Variants in CTNNA3 observed in about 807,000 individuals in gnomAD.
CTNNA3 encodes the protein catenin alpha-3.
In CTNNA3, 76 loss-of-function variants were observed where a neutral mutation model predicts 95.7. The ratio of observed to expected loss-of-function variants is 0.79; its 90% CI spans 0.66 to 0.96. The LOEUF is 0.96. CTNNA3 is among the 40% of genes least tolerant of loss of function. CTNNA3 has a pLI of 0.00. For missense variants in CTNNA3, 1,191 were observed against 1,089.8 expected (o/e 1.09, Z -1.31); for synonymous variants, 431 against 374.4 (o/e 1.15, Z -1.74).
chr10:66,448,527 G>T (rs1022604212), intron 11 of CTNNA3, among the ~76,000 whole-genome samples: 1 of 152,122 alleles, frequency 6.6e-6, no homozygotes, highest in Non-Finnish European at 1.5e-5. Context: ...GTCCTTTGTA[G>T]GGACATGGAT....
At chr10:67,638,817 C>A (rs1839418542) in intron 2 of CTNNA3, among the ~76,000 whole-genome samples, 1 of 152,082 alleles carries the variant, frequency 6.6e-6, no homozygotes, top group Non-Finnish European at 1.5e-5. Flanking sequence ...CCAATGAGAA[C>A]AAGATACAAC....
intron 15 of CTNNA3, among the ~76,000 whole-genome samples, chr10:66,062,332 A>G (rs1393513352): frequency 6.6e-6 from 1 of 152,108 alleles, no homozygotes; most frequent in Non-Finnish European, 1.5e-5. Flanking sequence ...GCTATTTAAA[A>G]TCTATATGGA....
intron 7 of CTNNA3, among the ~76,000 whole-genome samples, chr10:67,169,106 A>T (rs1352326009): frequency 6.6e-6 from 1 of 152,164 alleles, no homozygotes; most frequent in Non-Finnish European, 1.5e-5. Flanking sequence ...CTATAACAAG[A>T]ATTACAAAAT....
In CTNNA3 at chr10:65,992,351, A is replaced by C. The variant is rs559669554; in HGVS notation, c.2160-3554T>G. On this transcript the variant is annotated intron_variant, in intron 15 of 17. Coordinates refer to ENST00000433211, the MANE Select transcript of CTNNA3 (RefSeq NM_013266.4). ...AGTTATTCTTTGTAAGTTTGGTAGAATTCAGCAATAAAGGAACCAATTCTG... is the reference window on the plus strand; with the variant it reads ...AGTTATTCTTTGTAAGTTTGGTAGACTTCAGCAATAAAGGAACCAATTCTG... Among the ~76,000 whole-genome samples, 20 of 152,224 alleles carry C rather than the reference A, an allele frequency of 1.3e-4. No individual in the cohort carries two copies. The South Asian group carries it at 2.5e-3, about 19-fold the overall frequency.
chr10:66,328,760 A>T (rs1294211556), intron 12 of CTNNA3, among the ~76,000 whole-genome samples: 1 of 151,118 alleles, frequency 6.6e-6, no homozygotes, highest in Non-Finnish European at 1.5e-5. Context: ...CGTATAATTT[A>T]ACCTGCATCT....
chr10:66,515,479 T>C (rs1047449901), intron 11 of CTNNA3, among the ~76,000 whole-genome samples: 4 of 152,018 alleles, frequency 2.6e-5, no homozygotes, highest in African/African-American at 9.7e-5. Flanking sequence ...AACTTGTCAA[T>C]TGATCTACCT....
At chr10:66,133,367 T>C (rs1360351686) in intron 13 of CTNNA3, among the ~76,000 whole-genome samples, 1 of 151,710 alleles carries the variant, frequency 6.6e-6, no homozygotes, top group East Asian at 1.9e-4. Context: ...ATACAAAAAT[T>C]AGCCAGGCGT....
intron 7 of CTNNA3, among the ~76,000 whole-genome samples, chr10:66,779,487 G>T (rs1840446092): frequency 6.6e-6 from 1 of 151,990 alleles, no homozygotes; most frequent in African/African-American, 2.4e-5. Context: ...CTCCTGAGTA[G>T]CTGGGATTAC....
chr10:67,080,472 G>A (rs546472418), intron 7 of CTNNA3, among the ~76,000 whole-genome samples: 7 of 152,220 alleles, frequency 4.6e-5, no homozygotes, highest in South Asian at 2.1e-4. Context: ...TCCCAGCATC[G>A]CAATACATCT....
chr10:65,983,484 GA>G lies in CTNNA3; in HGVS notation c.2265+5207del, dbSNP rs774676953. Among the ~76,000 whole-genome samples, 57 of 151,344 alleles carry G rather than the reference GA, an allele frequency of 3.8e-4. 1 individual carries two copies. The highest frequency in any genetic ancestry group is 1.3e-3 in the African/African-American group (55 of 41,452). ...AATTACAATGTAGAGTACAGAAATA[GA>G]AAAAAATATGTACTGAAAGCCTGAA... On this transcript the variant is annotated intron_variant, in intron 16 of 17. Transcript: ENST00000433211.
intron 13 of CTNNA3, among the ~76,000 whole-genome samples, chr10:66,269,561 A>G (rs2091232336): frequency 6.6e-6 from 1 of 152,190 alleles, no homozygotes; most frequent in African/African-American, 2.4e-5. Flanking sequence ...TATGACTTTA[A>G]TTAAATTTCT....
chr10:65,952,509 G>C (rs570980231), intron 17 of CTNNA3, among the ~76,000 whole-genome samples: 1 of 147,826 alleles, frequency 6.8e-6, no homozygotes, highest in Non-Finnish European at 1.5e-5. Context: ...ACTTCTTCCC[G>C]TCTTTCTTTC....
intron 3 of CTNNA3, among the ~76,000 whole-genome samples, chr10:67,570,001 A>G (rs975808271): frequency 2.6e-5 from 4 of 152,088 alleles, no homozygotes; most frequent in South Asian, 4.2e-4. Context: ...CTGCTTTACA[A>G]CTGGCAAATA....
chr10:66,199,782 TATA>T (rs2087221197), intron 13 of CTNNA3, among the ~76,000 whole-genome samples: 1 of 12,664 alleles, frequency 7.9e-5, no homozygotes, highest in African/African-American at 2.7e-4. Flanking sequence ...TATATATATA[TATA>T]TATATATATA....
chr10:66,271,259 C>A (rs1308683182), intron 13 of CTNNA3, among the ~76,000 whole-genome samples: 2 of 152,138 alleles, frequency 1.3e-5, no homozygotes, highest in Non-Finnish European at 2.9e-5. Context: ...TTAGCTACAT[C>A]AAAGTCTGTT....
At chr10:66,104,342 A>G (rs570550372) in intron 13 of CTNNA3, among the ~76,000 whole-genome samples, 2 of 152,298 alleles carry the variant, frequency 1.3e-5, no homozygotes, top group African/African-American at 4.8e-5. Context: ...CTATTCTGTG[A>G]GGCAGGGACA....
At chr10:66,742,005 GA>G (rs1286834241) in intron 9 of CTNNA3, among the ~76,000 whole-genome samples, 1 of 152,118 alleles carries the variant, frequency 6.6e-6, no homozygotes, top group Admixed American at 6.5e-5. Flanking sequence ...TGGGCACCTT[GA>G]AAAAAGAACA....
chr10:66,944,104 C>T (rs537039933), intron 7 of CTNNA3, among the ~76,000 whole-genome samples: 1 of 152,298 alleles, frequency 6.6e-6, no homozygotes, highest in East Asian at 1.9e-4. Flanking sequence ...TTCTCTATAG[C>T]ATATGGTGTT....
At chr10:66,876,356 C>T (rs950497368) in intron 7 of CTNNA3, among the ~76,000 whole-genome samples, 3 of 152,142 alleles carry the variant, frequency 2.0e-5, no homozygotes, top group African/African-American at 7.2e-5. Flanking sequence ...AGATAAAGAA[C>T]ATTTGAAAGA....
Sources: gnomAD v4.1 joint callset for allele counts (sites outside exome capture counted in the v4.1 genomes callset) on GRCh38, gnomAD v4.1.1 for gene constraint, MANE v1.5 for transcripts, NCBI Gene and HGNC (gene_info 2026-07-23, HGNC 2026-07-21) for gene names.